The following ANKRD30B variants were observed in gnomAD, a reference collection of about 807,000 sequenced individuals.
The protein encoded by ANKRD30B is ankyrin repeat domain 30B.
ANKRD30B carries 144 observed loss-of-function variants against 202.2 expected under a neutral mutation model. That is an observed-to-expected ratio of 0.71 (90% CI 0.62 to 0.82). The LOEUF (loss-of-function observed/expected upper bound fraction) is 0.82, where lower values mean the gene tolerates loss of function less well. ANKRD30B is among the 40% of genes least tolerant of loss of function. The pLI is 0.00. For missense variants in ANKRD30B, 1,487 were observed against 1,669.1 expected (o/e 0.89, Z 1.90); for synonymous variants, 508 against 561.3 (o/e 0.91, Z 1.34).
the ANKRD30B span, among the ~76,000 whole-genome samples, chr18:14,901,120 A>G: frequency 6.6e-6 from 1 of 152,294 alleles, no homozygotes; most frequent in Middle Eastern, 3.4e-3. Flanking sequence ...GTTGCTTGGC[A>G]TTCACAGGTT....
rs538064414 is a variant in ANKRD30B, at chr18:14,779,943, G to T, written c.1421-17G>T. 12 of 1,549,548 alleles carry T rather than the reference G, an allele frequency of 7.7e-6. No individual in the cohort carries two copies. Among genetic ancestry groups the T allele is most frequent in the East Asian group, 2.3e-5 (1 of 44,438 alleles). ...AAGGAATGCTCTCATGAATGTATCTGTGATTAACATTTTTAGATCAGATGT... is the reference window on the plus strand; with the variant it reads ...AAGGAATGCTCTCATGAATGTATCTTTGATTAACATTTTTAGATCAGATGT... On this transcript the variant is annotated splice_polypyrimidine_tract_variant and intron_variant, in intron 10 of 43. Transcript: ENST00000690538.
At chr18:14,917,677 G>A in the ANKRD30B span, among the ~76,000 whole-genome samples, 13 of 152,310 alleles carry the variant, frequency 8.5e-5, no homozygotes, top group East Asian at 1.9e-4. Flanking sequence ...AACAGCAGGC[G>A]TACACATGTG....
intron 18 of ANKRD30B, among the ~76,000 whole-genome samples, chr18:14,797,230 A>G (rs974106944): frequency 2.6e-5 from 4 of 152,104 alleles, no homozygotes; most frequent in African/African-American, 9.7e-5. Flanking sequence ...GTCTGTTTAT[A>G]GGCTCTCCAC....
At chr18:14,843,838 G>C (rs9709991) in intron 39 of ANKRD30B, among the ~76,000 whole-genome samples, 1 of 152,110 alleles carries the variant, frequency 6.6e-6, no homozygotes, top group African/African-American at 2.4e-5. Flanking sequence ...ATAAATGGGA[G>C]AAGTAATCAT....
the ANKRD30B span, among the ~76,000 whole-genome samples, chr18:14,874,670 GGC>G: frequency 1.3e-5 from 2 of 152,154 alleles, no homozygotes; most frequent in African/African-American, 4.8e-5. Context: ...AAGACCTCTT[GGC>G]CACCCTCCCG....
Position 14,852,115 on chromosome 18 carries a change from C to A in ANKRD30B, c.4171C>A (p.Gln1391Lys), listed in dbSNP as rs138537952. 3.7e-6 allele frequency: 6 copies of A among 1,605,300 alleles called. No homozygotes were observed. The East Asian group carries it at 1.4e-4, about 36-fold the overall frequency. The change falls in exon 42 of 44, where the codon CAG (glutamine) becomes AAG (lysine). Residue 1391 changes from glutamine (Q) to lysine (K), a missense_variant. Gln to Lys is a moderately conservative substitution (Grantham distance 53, BLOSUM62 1). This residue lies in a region of ANKRD30B where 182 missense variants were observed against 216.0 expected (regional missense o/e 0.84). Transcript: ENST00000690538. ...EHAQRDRCET[Q>K]CQMKKAEHMY... ...TGCACAAAGAGACCGATGTGAAACACAGTGTCAAATGAAGAAAGCTGAACA... is the reference window on the plus strand; with the variant it reads ...TGCACAAAGAGACCGATGTGAAACAAAGTGTCAAATGAAGAAAGCTGAACA...
chr18:14,897,342 G>A, the ANKRD30B span, among the ~76,000 whole-genome samples: 4 of 152,000 alleles, frequency 2.6e-5, no homozygotes, highest in Non-Finnish European at 5.9e-5. Context: ...CACCACGCGC[G>A]CCTAATTTTT....
intron 15 of ANKRD30B, among the ~76,000 whole-genome samples, chr18:14,790,517 G>T (rs1206833635): frequency 3.3e-5 from 5 of 152,124 alleles, no homozygotes; most frequent in African/African-American, 1.2e-4. Flanking sequence ...TATGATATTG[G>T]CTGTGGGTTT....
chr18:14,919,825 C>A, the ANKRD30B span, among the ~76,000 whole-genome samples: 1 of 152,194 alleles, frequency 6.6e-6, no homozygotes, highest in Non-Finnish European at 1.5e-5. Context: ...CCTAAATCAA[C>A]CCTGGTAAAT....
chr18:14,791,644 C>G (rs968405874), intron 16 of ANKRD30B, among the ~76,000 whole-genome samples, 153 bp downstream of exon 16: 1 of 152,028 alleles, frequency 6.6e-6, no homozygotes. Flanking sequence ...TACGTCTTAT[C>G]AGGTGTTGGT....
the ANKRD30B span, among the ~76,000 whole-genome samples, chr18:14,914,841 G>A: frequency 6.6e-6 from 1 of 152,138 alleles, no homozygotes; most frequent in African/African-American, 2.4e-5. Flanking sequence ...ATAAACCAAG[G>A]AGGCCATTGG....
the ANKRD30B span, chr18:14,890,183 G>A: frequency 1.5e-5 from 9 of 617,692 alleles, no homozygotes; most frequent in Admixed American, 7.8e-5. Context: ...TGTTTTAATC[G>A]GAAGTTTTTA....
chr18:14,819,815 CT>C, intron 30 of ANKRD30B, among the ~76,000 whole-genome samples: 1 of 152,222 alleles, frequency 6.6e-6, no homozygotes, highest in African/African-American at 2.4e-5. Context: ...CAGCTTTGTT[CT>C]TTTGGCTTAG....
At chr18:14,778,485 C>G (rs1434235110) in intron 10 of ANKRD30B, among the ~76,000 whole-genome samples, 1 of 152,116 alleles carries the variant, frequency 6.6e-6, no homozygotes, top group African/African-American at 2.4e-5. Flanking sequence ...CAAAATTTGC[C>G]AGAGAATTAC....
downstream of ANKRD30B, among the ~76,000 whole-genome samples, chr18:14,855,641 C>T (rs1972067404): frequency 6.7e-6 from 1 of 149,114 alleles, no homozygotes; most frequent in Admixed American, 6.7e-5. Context: ...GGCAGCCAGG[C>T]AGAGGCACTC....
chr18:14,874,519 A>C, the ANKRD30B span, among the ~76,000 whole-genome samples: 1 of 152,206 alleles, frequency 6.6e-6, no homozygotes, highest in African/African-American at 2.4e-5. Flanking sequence ...TTTTCATAAC[A>C]TTCCATTATG....
At chr18:14,827,601 A>G (rs1307361865) in intron 32 of ANKRD30B, among the ~76,000 whole-genome samples, 6 of 152,144 alleles carry the variant, frequency 3.9e-5, no homozygotes, top group Non-Finnish European at 8.8e-5. Flanking sequence ...TGTTTTAATG[A>G]TTTTGGTATG....
the ANKRD30B span, among the ~76,000 whole-genome samples, chr18:14,872,689 C>T: frequency 1.2e-3 from 179 of 152,144 alleles, no homozygotes; most frequent in African/African-American, 4.0e-3. Flanking sequence ...TACAGGTGAC[C>T]TATTTTTCTT....
the ANKRD30B span, among the ~76,000 whole-genome samples, chr18:14,872,833 G>A: frequency 7.2e-4 from 109 of 152,204 alleles, no homozygotes; most frequent in Middle Eastern, 3.4e-3. Context: ...ACCCTGCCAA[G>A]CGTTCGGGAA....
Sources: gnomAD v4.1 joint callset for allele counts (sites outside exome capture counted in the v4.1 genomes callset) on GRCh38, gnomAD v4.1.1 for gene constraint, gnomAD v4.1.1 regional missense constraint, MANE v1.5 for transcripts, NCBI Gene and HGNC (gene_info 2026-07-23, HGNC 2026-07-21) for gene names.